The following NCK2 variants were observed in gnomAD, a reference collection of about 807,000 sequenced individuals.
The protein encoded by NCK2 is NCK adaptor protein 2.
In NCK2, 16 loss-of-function variants were observed where a neutral mutation model predicts 33.9. The ratio of observed to expected loss-of-function variants is 0.47; its 90% CI spans 0.32 to 0.72. NCK2 has a LOEUF of 0.72. NCK2 is among the 30% of genes least tolerant of loss of function. The pLI is 0.03. For missense variants in NCK2, 418 were observed against 537.3 expected (o/e 0.78, Z 2.19); for synonymous variants, 273 against 239.9 (o/e 1.14, Z -1.27).
chr2:105,820,892 G>A (rs1164341979), intron 2 of NCK2, among the ~76,000 whole-genome samples: 1 of 152,188 alleles, frequency 6.6e-6, no homozygotes, highest in African/African-American at 2.4e-5. Flanking sequence ...GAGTAAACAG[G>A]ACGGGATTTC....
At chr2:105,807,273 G>A (rs974063811) in intron 1 of NCK2, among the ~76,000 whole-genome samples, 4 of 152,210 alleles carry the variant, frequency 2.6e-5, no homozygotes, top group Non-Finnish European at 4.4e-5. Context: ...TTCTCTCTAA[G>A]ATTCATAGGT....
At chr2:105,868,703 A>G (rs1296124604) in intron 3 of NCK2, among the ~76,000 whole-genome samples, 2 of 152,160 alleles carry the variant, frequency 1.3e-5, no homozygotes, top group Admixed American at 1.3e-4. Flanking sequence ...TTGTGCTTCT[A>G]CTGTGGGTTT....
At chr2:105,810,888 G>T (rs533557987) in intron 1 of NCK2, among the ~76,000 whole-genome samples, 3 of 152,228 alleles carry the variant, frequency 2.0e-5, no homozygotes, top group East Asian at 1.9e-4. Context: ...TATTTGCCCG[G>T]CTATGGGCCA....
intron 4 of NCK2, among the ~76,000 whole-genome samples, chr2:105,882,352 C>T (rs546102046): frequency 2.0e-4 from 30 of 152,306 alleles, no homozygotes; most frequent in African/African-American, 6.3e-4. Context: ...ATCATTTTCT[C>T]TCCTGGTTGC....
chr2:105,791,461 G>T (rs4330124), intron 1 of NCK2, among the ~76,000 whole-genome samples: 7,252 of 152,228 alleles, frequency 0.048, 264 homozygotes, highest in East Asian at 0.1. Flanking sequence ...GTGCACCCTC[G>T]CCCCGTTGCC....
chr2:105,744,746 C>T (rs1313365908), upstream of NCK2, among the ~76,000 whole-genome samples: 5 of 150,108 alleles, frequency 3.3e-5, no homozygotes, highest in Non-Finnish European at 7.4e-5. Context: ...GTCTCGGGTC[C>T]CCGCCCCGCG....
At chr2:105,835,704 A>G (rs558063925) in intron 2 of NCK2, among the ~76,000 whole-genome samples, 28 of 151,946 alleles carry the variant, frequency 1.8e-4, no homozygotes, top group Admixed American at 3.9e-4. Flanking sequence ...CTATTACTTT[A>G]TTAAAGAGGG....
At chr2:105,889,723 A>ACAGGTAT (rs1420606718) in intron 4 of NCK2, among the ~76,000 whole-genome samples, 1 of 152,018 alleles carries the variant, frequency 6.6e-6, no homozygotes, top group Non-Finnish European at 1.5e-5. Context: ...AGCTGGGACC[A>ACAGGTAT]CAGGTATGCA....
intron 4 of NCK2, among the ~76,000 whole-genome samples, chr2:105,882,384 C>T (rs1166812381): frequency 6.6e-6 from 1 of 152,128 alleles, no homozygotes; most frequent in Non-Finnish European, 1.5e-5. Flanking sequence ...ACGTAGAAGG[C>T]CCGAGTGATT....
intron 3 of NCK2, chr2:105,855,518 G>A (rs1336664353): frequency 2.2e-6 from 1 of 459,224 alleles, no homozygotes; most frequent in South Asian, 2.8e-5. Flanking sequence ...GAGACACTTT[G>A]TGTGCTTGGG....
rs747217047 is a variant in NCK2 at position 105,881,725 on chromosome 2, A to C, written c.624A>C (p.Ser208=). The change falls in exon 4 of 5, where the codon TCA becomes TCC. Residue 208 remains serine, a synonymous_variant. Transcript: ENST00000233154. ...HVVQTLYPFS[S]VTEEELNFEK... is the part of the protein sequence containing the mutation. ...TCCAGACGCTGTACCCCTTCAGCTC[A>C]GTCACCGAGGAGGAGCTCAACTTCG... is the stretch of plus-strand genomic sequence containing the variant. 2 of 1,614,230 alleles carry C rather than the reference A, an allele frequency of 1.2e-6. No homozygotes were observed. The highest frequency in any genetic ancestry group is 8.5e-7 in the Non-Finnish European group (1 of 1,180,028).
intron 1 of NCK2, among the ~76,000 whole-genome samples, chr2:105,809,860 C>G (rs1030692121): frequency 1.3e-5 from 2 of 152,138 alleles, no homozygotes; most frequent in Non-Finnish European, 2.9e-5. Context: ...GAGATCTTAC[C>G]TCACCCACTG....
intron 2 of NCK2, among the ~76,000 whole-genome samples, chr2:105,849,096 A>G (rs1676961981): frequency 6.6e-6 from 1 of 152,224 alleles, no homozygotes; most frequent in Non-Finnish European, 1.5e-5. Context: ...AAGTTTAAGA[A>G]ATCAAGACCA....
intron 2 of NCK2, among the ~76,000 whole-genome samples, chr2:105,830,717 T>TG (rs1352679713): frequency 0.021 from 2,091 of 97,694 alleles, 41 homozygotes; most frequent in East Asian, 0.1. Context: ...GTGTGTGTGT[T>TG]TGGTCTGATA....
chr2:105,766,771 A>C lies in NCK2; in HGVS notation c.-201+21633A>C, dbSNP rs533775420. 1.2e-4 allele frequency among the ~76,000 whole-genome samples: 19 copies of C among 152,330 alleles called. No individual in the cohort carries two copies. In the South Asian group the frequency reaches 3.9e-3, roughly 32 times the overall value. ...CCCCAGACCTTTCCTTTACTCGGCT[A>C]TCCCTCCATCTTGTGGGCATGCAGG... On this transcript the variant is annotated intron_variant, in intron 1 of 4. Transcript: ENST00000233154.
chr2:105,855,396 T>A (rs962823348), intron 3 of NCK2, 107 bp downstream of exon 3: 1 of 805,250 alleles, frequency 1.2e-6, no homozygotes, highest in South Asian at 2.0e-5. Flanking sequence ...GTTTTAAAAG[T>A]TAATATCTTC....
chr2:105,750,776 G>T (rs375284076), intron 1 of NCK2, among the ~76,000 whole-genome samples: 9 of 152,206 alleles, frequency 5.9e-5, no homozygotes, highest in African/African-American at 2.2e-4. Context: ...GTCTTTAATT[G>T]AGACCATGAT....
intron 4 of NCK2, 110 bp from the exon 5 acceptor site, chr2:105,892,871 CA>C: frequency 4.9e-6 from 4 of 822,558 alleles, no homozygotes; most frequent in Non-Finnish European, 7.4e-6. Context: ...AGCAGAGACC[CA>C]GTGTTTGAGC....
chr2:105,784,329 G>A (rs1374391767), intron 1 of NCK2, among the ~76,000 whole-genome samples: 2 of 152,224 alleles, frequency 1.3e-5, no homozygotes, highest in Non-Finnish European at 2.9e-5. Flanking sequence ...CTGGGGAGCA[G>A]TTTTCCCACC....
Sources: gnomAD v4.1 joint callset for allele counts (sites outside exome capture counted in the v4.1 genomes callset) on GRCh38, gnomAD v4.1.1 for gene constraint, MANE v1.5 for transcripts, NCBI Gene and HGNC (gene_info 2026-07-23, HGNC 2026-07-21) for gene names.